Variants in CREB5 observed in about 807,000 individuals in gnomAD.
CREB5 encodes the protein cAMP responsive element binding protein 5, also known as cyclic AMP-responsive element-binding protein 5.
A neutral mutation model predicts 57.1 loss-of-function variants in CREB5; 19 were observed. That is an observed-to-expected ratio of 0.33 (90% CI 0.23 to 0.49). The LOEUF is 0.49. Ranked by LOEUF, CREB5 falls within the 20% of genes least tolerant of loss-of-function variation. The pLI, the probability that CREB5 is intolerant of heterozygous loss-of-function variation, is 0.99. For missense variants in CREB5, 579 were observed against 671.6 expected, an observed-to-expected ratio of 0.86 and a Z score of 1.52; for synonymous variants, 238 against 238.3, an observed-to-expected ratio of 1.00 and a Z score of 0.01.
At chr7:28,512,836 C>T (rs941307101) in intron 4 of CREB5, among the ~76,000 whole-genome samples, 7 of 152,170 alleles carry the variant, frequency 4.6e-5, no homozygotes, top group African/African-American at 1.2e-4. Flanking sequence ...GGACCTAAAT[C>T]GGACTCATTA....
At chr7:28,312,344 G>C (rs1785294557) in intron 1 of CREB5, among the ~76,000 whole-genome samples, 1 of 152,190 alleles carries the variant, frequency 6.6e-6, no homozygotes, top group Non-Finnish European at 1.5e-5. Flanking sequence ...ATTTGCGAGA[G>C]AATGAAATAC....
At chr7:28,801,714 TATA>T (rs1422449999) in intron 7 of CREB5, among the ~76,000 whole-genome samples, 1 of 152,182 alleles carries the variant, frequency 6.6e-6, no homozygotes, top group African/African-American at 2.4e-5. Flanking sequence ...CTTAAATTTT[TATA>T]ATAAGCATTT....
intron 1 of CREB5, among the ~76,000 whole-genome samples, chr7:28,381,599 T>C (rs1786968968): frequency 6.6e-6 from 1 of 152,212 alleles, no homozygotes; most frequent in Non-Finnish European, 1.5e-5. Context: ...TGATTGGCAA[T>C]AGCCCAGAAA....
chr7:28,341,371 G>A (rs1023992787), intron 1 of CREB5, among the ~76,000 whole-genome samples: 2 of 151,952 alleles, frequency 1.3e-5, no homozygotes, highest in African/African-American at 4.8e-5. Flanking sequence ...ACTAAACTTT[G>A]TTCTCAATTA....
chr7:28,794,188 T>G (rs1807893087), intron 7 of CREB5, among the ~76,000 whole-genome samples: 1 of 152,238 alleles, frequency 6.6e-6, no homozygotes, highest in Non-Finnish European at 1.5e-5. Context: ...GGGATTACTT[T>G]TTTCCAATAG....
chr7:28,559,920 G>T (rs938738336), intron 4 of CREB5, among the ~76,000 whole-genome samples: 1 of 152,216 alleles, frequency 6.6e-6, no homozygotes, highest in Admixed American at 6.5e-5. Context: ...AAGGACTGGG[G>T]TGCTGAGTAG....
chr7:28,714,937 T>C (rs533236813), intron 5 of CREB5, among the ~76,000 whole-genome samples: 164 of 152,238 alleles, frequency 1.1e-3, no homozygotes, highest in Non-Finnish European at 1.7e-3. Flanking sequence ...TATTAGCTCA[T>C]GGCAACAAGC....
intron 7 of CREB5, among the ~76,000 whole-genome samples, chr7:28,763,889 C>T (rs1162543366): frequency 2.6e-5 from 4 of 151,682 alleles, no homozygotes; most frequent in Non-Finnish European, 4.4e-5. Flanking sequence ...AGCCTCAAAA[C>T]CCTGGACTTG....
At chr7:28,452,293 C>A (rs148499302) in intron 1 of CREB5, among the ~76,000 whole-genome samples, 1 of 151,708 alleles carries the variant, frequency 6.6e-6, no homozygotes, top group African/African-American at 2.4e-5. Flanking sequence ...AAAAACAAAC[C>A]CTATCAGAGT....
intron 7 of CREB5, among the ~76,000 whole-genome samples, chr7:28,778,677 A>G (rs1416729054): frequency 2.6e-5 from 4 of 152,224 alleles, no homozygotes; most frequent in Non-Finnish European, 5.9e-5. Context: ...AGTGCCAAAA[A>G]CAACAAAACA....
chr7:28,667,770 G>T (rs138651528), intron 5 of CREB5, among the ~76,000 whole-genome samples: 2 of 152,094 alleles, frequency 1.3e-5, no homozygotes, highest in Admixed American at 6.6e-5. Context: ...TGACAAAGCC[G>T]AGGAAACGAA....
At chr7:28,793,700 G>A (rs1308086896) in intron 7 of CREB5, among the ~76,000 whole-genome samples, 1 of 152,234 alleles carries the variant, frequency 6.6e-6, no homozygotes, top group African/African-American at 2.4e-5. Flanking sequence ...GCTGGGTGAT[G>A]TGGCAGCGAC....
At chr7:28,440,204 C>A (rs1332600024) in intron 1 of CREB5, among the ~76,000 whole-genome samples, 2 of 152,178 alleles carry the variant, frequency 1.3e-5, no homozygotes, top group Non-Finnish European at 2.9e-5. Flanking sequence ...CCATGTCGCA[C>A]TCCAGTCCGA....
intron 5 of CREB5, among the ~76,000 whole-genome samples, chr7:28,710,354 A>T (rs986041314): frequency 6.6e-6 from 1 of 152,190 alleles, no homozygotes; most frequent in East Asian, 1.9e-4. Flanking sequence ...AATAAAAGAC[A>T]TATTTATTAA....
intron 9 of CREB5, among the ~76,000 whole-genome samples, chr7:28,813,608 A>AT (rs1212186883): frequency 4.6e-5 from 7 of 152,128 alleles, no homozygotes; most frequent in Non-Finnish European, 1.0e-4. Flanking sequence ...TTTGATAATT[A>AT]TTTTTTTGGC....
chr7:28,542,948 G>T (rs1794262807), intron 4 of CREB5, among the ~76,000 whole-genome samples: 1 of 152,104 alleles, frequency 6.6e-6, no homozygotes. Context: ...TTGGGTCTTT[G>T]TTCTCCGTCA....
At chr7:28,468,523 G>T (rs1012483169) in intron 1 of CREB5, among the ~76,000 whole-genome samples, 2 of 152,220 alleles carry the variant, frequency 1.3e-5, no homozygotes, top group African/African-American at 2.4e-5. Context: ...AGGATCATGG[G>T]CAATGGGTTG....
At chr7:28,457,475 A>T (rs1172050275) in intron 1 of CREB5, among the ~76,000 whole-genome samples, 2 of 152,314 alleles carry the variant, frequency 1.3e-5, no homozygotes, top group African/African-American at 4.8e-5. Flanking sequence ...ACCTGAAAAC[A>T]GTCTTCATCT....
rs1363437174 is a variant in CREB5 at position 28,625,627 on chromosome 7, T to C, written c.464+55090T>C. Among the ~76,000 whole-genome samples, 8 of 152,328 alleles carry C rather than the reference T, an allele frequency of 5.3e-5. No individual in the cohort carries two copies. The East Asian group carries it at 1.5e-3, about 29-fold the overall frequency. Reference sequence around the variant, plus strand: ...CTGAATTCCATACAGCCAAGGCAACTGCGTTGCCTTGCTGAAGATCCACAG... The same window carrying C: ...CTGAATTCCATACAGCCAAGGCAACCGCGTTGCCTTGCTGAAGATCCACAG... On this transcript the variant is annotated intron_variant, in intron 5 of 10. Coordinates refer to ENST00000357727, the MANE Select transcript of CREB5 (RefSeq NM_182898.4).
Sources: gnomAD v4.1 joint callset for allele counts (sites outside exome capture counted in the v4.1 genomes callset) on GRCh38, gnomAD v4.1.1 for gene constraint, MANE v1.5 for transcripts, NCBI Gene and HGNC (gene_info 2026-07-23, HGNC 2026-07-21) for gene names.